URB1: variants seen among roughly 807,000 people sequenced by gnomAD.
URB1 encodes nucleolar pre-ribosomal-associated protein 1.
In URB1, 197 loss-of-function variants were observed where a neutral mutation model predicts 242.3. The ratio of observed to expected loss-of-function variants is 0.81; its 90% confidence interval spans 0.72 to 0.91. The LOEUF (loss-of-function observed/expected upper bound fraction) is 0.91, where lower values mean the gene tolerates loss of function less well. Ranked by LOEUF, URB1 falls within the 40% of genes least tolerant of loss-of-function variation. URB1 has a pLI of 0.00. For missense variants in URB1, 2,721 were observed against 2,860.5 expected (o/e 0.95, Z 1.11); for synonymous variants, 1,153 against 1,201.8 (o/e 0.96, Z 0.84).
chr21:32,330,051 T>C (rs2032875218), intron 30 of URB1, among the ~76,000 whole-genome samples: 1 of 152,204 alleles, frequency 6.6e-6, no homozygotes, highest in Non-Finnish European at 1.5e-5. Flanking sequence ...TCAACTATTT[T>C]AGTGCCAGGA....
At chr21:32,388,728 C>T (rs767695256) in intron 1 of URB1, among the ~76,000 whole-genome samples, 1 of 152,224 alleles carries the variant, frequency 6.6e-6, no homozygotes, top group Non-Finnish European at 1.5e-5. Flanking sequence ...GCTGTTAATA[C>T]AGAAAGAGCA....
chr21:32,317,787 T>C lies in URB1; in HGVS notation c.5923A>G (p.Thr1975Ala). ...RFTVNETVLS[T>A]KDVLVLLHKW... is the part of the protein sequence containing the mutation. ...TGCAAGAGGACAAGGACGTCCTTGGTGGAAAGCACTGTCTCATTTACGGTG... is the reference window on the plus strand; with the variant it reads ...TGCAAGAGGACAAGGACGTCCTTGGCGGAAAGCACTGTCTCATTTACGGTG... The change falls in exon 37 of 39, where the codon ACC becomes GCC. Residue 1975 changes from threonine (T) to alanine (A), a missense_variant. Transcript: ENST00000382751. The C allele has an allele frequency of 6.4e-7, 1 of 1,551,910 alleles. No individual in the cohort carries two copies. Among genetic ancestry groups the C allele is most frequent in the Non-Finnish European group, 8.7e-7 (1 of 1,147,038 alleles).
At chr21:32,341,218 A>G (rs549414043) in intron 25 of URB1, among the ~76,000 whole-genome samples, 47 of 152,332 alleles carry the variant, frequency 3.1e-4, no homozygotes, top group African/African-American at 1.1e-3. Context: ...TGTGGGGGCT[A>G]CTATTATTCT....
intron 3 of URB1, 33 bp downstream of exon 3, chr21:32,384,280 C>T (rs1601159655): frequency 1.3e-6 from 2 of 1,540,602 alleles, no homozygotes; most frequent in East Asian, 2.5e-5. Context: ...ACCCAAAGGC[C>T]CATCCTTTGT....
At chr21:32,319,145 G>T in intron 36 of URB1, 72 bp downstream of exon 36, 2 of 1,424,276 alleles carry the variant, frequency 1.4e-6, no homozygotes, top group Non-Finnish European at 1.9e-6. Flanking sequence ...CTGAGACATG[G>T]TGTCCACAGG....
chr21:32,320,395 T>G, intron 35 of URB1, 136 bp downstream of exon 35: 1 of 675,188 alleles, frequency 1.5e-6, no homozygotes, highest in Non-Finnish European at 2.5e-6. Context: ...TATGGTAGCA[T>G]TGGAGGACAC....
chr21:32,327,746 T>C (rs150906306), intron 30 of URB1, among the ~76,000 whole-genome samples: 27 of 152,310 alleles, frequency 1.8e-4, no homozygotes, highest in African/African-American at 5.8e-4. Context: ...AGGAAATGGA[T>C]CTATACTGTT....
chr21:32,354,191 C>T lies in URB1; in HGVS notation c.2246-88G>A, dbSNP rs2033192501. On this transcript the variant is annotated intron_variant, in intron 17 of 38. Coordinates refer to ENST00000382751, the MANE Select transcript of URB1 (RefSeq NM_014825.3). ...CCCACAGGGAGGCAGAAGCAGAATA[C>T]GTGCAAAAAGAAAAAAGCCAAATTC... 41 of 1,466,978 alleles carry T rather than the reference C, an allele frequency of 2.8e-5. No individual in the cohort carries two copies. The South Asian group carries it at 4.7e-4, about 17-fold the overall frequency. 90.9% of individuals were successfully genotyped at this position (1,466,978 alleles called of 1,614,324 possible). A position where few individuals can be genotyped will look rare whatever the true frequency, so the allele number is the denominator to read the frequency against.
intron 6 of URB1, among the ~76,000 whole-genome samples, chr21:32,374,424 G>GA (rs957802044): frequency 1.1e-4 from 17 of 152,198 alleles, no homozygotes; most frequent in African/African-American, 4.1e-4. Flanking sequence ...CCCCAGTTCA[G>GA]AACAACCATA....
chr21:32,361,197 A>AAGAAAGAAAGAAAGAAAGAG, intron 12 of URB1, 74 bp from the exon 13 acceptor site: 2 of 901,610 alleles, frequency 2.2e-6, no homozygotes, highest in Middle Eastern at 3.5e-4. Context: ...GAAAGAAAGA[A>AAGAAAGAAAGAAAGAAAGAG]AGAAAGAAAA....
At position 32,345,590 on chromosome 21, in the gene URB1, C is replaced by G. The variant is rs112543632; in HGVS notation, c.3869-15G>C. 9.8e-6 allele frequency: 15 copies of G among 1,523,398 alleles called. No homozygotes were observed. Among genetic ancestry groups the G allele is most frequent in the African/African-American group, 8.3e-5 (6 of 72,618 alleles). The allele number at this position is 1,523,398 out of a possible 1,614,324, so 94.4% of individuals were successfully genotyped here. ...AGCGGAAGACACTAGGGCAGAGATACAAAGGAGAAGTCATCACACCCAATG... is the reference window on the plus strand; with the variant it reads ...AGCGGAAGACACTAGGGCAGAGATAGAAAGGAGAAGTCATCACACCCAATG... On this transcript the variant is annotated splice_polypyrimidine_tract_variant and intron_variant, in intron 22 of 38. Coordinates refer to ENST00000382751, the MANE Select transcript of URB1 (RefSeq NM_014825.3).
At chr21:32,354,802 C>T (rs1009650885) in intron 17 of URB1, 57 bp downstream of exon 17, 68 of 1,525,054 alleles carry the variant, frequency 4.5e-5, no homozygotes, top group Non-Finnish European at 5.6e-5. Context: ...TCTCTTAACA[C>T]GTCACTGTGG....
Position 32,352,852 on chromosome 21 carries a change from T to G in URB1, c.2471A>C (p.Gln824Pro), listed in dbSNP as rs1434477284. Residue 824 changes from glutamine (Q) to proline (P), a missense_variant, in exon 19 of 39, where the codon CAG (glutamine) becomes CCG (proline). By Grantham distance (76) the Gln-to-Pro change is moderately conservative (BLOSUM62 -1). Transcript: ENST00000382751. The stretch of plus-strand genomic sequence containing the variant: ...GAGACACAGAGCCAGGGGGTCCCTC[T>G]GGGTGTGGAGGAGGTCAGTCAGCAC... Reference protein sequence around the residue: ...TAVLTDLLHTQRDPLALCLLL... With the variant: ...TAVLTDLLHTPRDPLALCLLL... 2 of 1,551,546 alleles carry G rather than the reference T, an allele frequency of 1.3e-6. No individual in the cohort carries two copies. Among genetic ancestry groups the G allele is most frequent in the Non-Finnish European group, 1.7e-6 (2 of 1,146,974 alleles).
rs777462999 is a variant in URB1 at position 32,338,776 on chromosome 21, G to C, written c.4441C>G (p.Gln1481Glu). Residue 1481 changes from glutamine (Q) to glutamate (E), a missense_variant, in exon 26 of 39, where the codon CAG becomes GAG. Coordinates refer to ENST00000382751, the MANE Select transcript of URB1 (RefSeq NM_014825.3). Reference protein sequence around the residue: ...QLPVVYVMLMQHSLFLPTLLT... With the variant: ...QLPVVYVMLMEHSLFLPTLLT... ...AGAGTCGGCAGAAACAGCGAGTGCTGCATGAGCATCACGTAGACCACCGGG... is the reference window on the plus strand; with the variant it reads ...AGAGTCGGCAGAAACAGCGAGTGCTCCATGAGCATCACGTAGACCACCGGG... The C allele has an allele frequency of 1.3e-6, 2 of 1,551,538 alleles. No homozygotes were observed. The highest frequency in any genetic ancestry group is 1.7e-6 in the Non-Finnish European group (2 of 1,146,996).
intron 10 of URB1, among the ~76,000 whole-genome samples, chr21:32,365,237 G>A (rs1051224075): frequency 3.9e-5 from 6 of 152,140 alleles, no homozygotes; most frequent in Non-Finnish European, 8.8e-5. Context: ...ATGAGGCCAG[G>A]AGTTTGAAAC....
chr21:32,338,985 T>G, intron 25 of URB1, 85 bp from the exon 26 acceptor site: 2 of 1,292,122 alleles, frequency 1.5e-6, no homozygotes, highest in Non-Finnish European at 1.0e-6. Context: ...TTTTTCTCAG[T>G]ATTTTATTTA....
In URB1 at chr21:32,341,466, T is replaced by C; in HGVS notation, c.4316A>G (p.Lys1439Arg). 1.9e-6 allele frequency: 3 copies of C among 1,551,560 alleles called. No homozygotes were observed. Among genetic ancestry groups the C allele is most frequent in the Admixed American group, 2.0e-5 (1 of 51,014 alleles). The change falls in exon 25 of 39, where the codon AAA becomes AGA. Residue 1439 changes from lysine to arginine, a missense_variant and splice_region_variant. Lys to Arg is a conservative substitution (Grantham distance 26, BLOSUM62 2). Transcript: ENST00000382751. ...CACCAAGAAAATAAAATCAACTTAC[T>C]TGAGTCCCTTCTTCACGAATTTCTG... ...DWQKFVKKGL[K>R]FRYQDHTFLK...
rs902871538 is a variant in URB1, at chr21:32,314,187, ATTTT to A, written c.*727_*730del. On this transcript the variant is annotated 3_prime_UTR_variant, in exon 39 of 39. Transcript: ENST00000382751. ...GACTTTTTATAGAAAAACAAACTTT[ATTTT>A]TTTATTTTTTTGAGATGGAGTCTTG... The A allele has an allele frequency of 5.2e-6, 1 of 192,880 alleles. No homozygotes were observed. The highest frequency in any genetic ancestry group is 1.1e-5 in the Non-Finnish European group (1 of 92,026). 11.9% of individuals were successfully genotyped at this position (192,880 alleles called of 1,614,324 possible). A position where few individuals can be genotyped will look rare whatever the true frequency, so the allele number is the denominator to read the frequency against.
intron 14 of URB1, among the ~76,000 whole-genome samples, chr21:32,358,416 G>A (rs1011181554): frequency 6.6e-6 from 1 of 152,204 alleles, no homozygotes; most frequent in African/African-American, 2.4e-5. Context: ...CGATGCCAGT[G>A]CTGATAGAAC....
Sources: allele counts gnomAD v4.1 joint callset (sites outside exome capture counted in the v4.1 genomes callset), GRCh38; gene constraint gnomAD v4.1.1; transcripts MANE v1.5; gene names NCBI Gene and HGNC (gene_info 2026-07-23, HGNC 2026-07-21).